The following STRA8 variants were observed in gnomAD, a reference collection of about 807,000 sequenced individuals.
STRA8 encodes stimulated by retinoic acid 8, also known as stimulated by retinoic acid gene 8 protein homolog.
STRA8 carries 18 observed loss-of-function variants against 37.1 expected under a neutral mutation model. The observed-to-expected ratio is 0.48, with a 90% confidence interval of 0.34 to 0.72. The LOEUF (loss-of-function observed/expected upper bound fraction) is 0.72. Ranked by LOEUF, STRA8 falls within the 30% of genes least tolerant of loss-of-function variation. STRA8 has a pLI of 0.01. For missense variants in STRA8, 357 were observed against 410.4 expected (o/e 0.87, Z 1.13); for synonymous variants, 168 against 162.9 (o/e 1.03, Z -0.24).
In STRA8 at chr7:135,246,707, G is replaced by A; in HGVS notation, c.879+5G>A. 6.6e-7 allele frequency: 1 copy of A among 1,515,906 alleles called. No individual in the cohort carries two copies. Among genetic ancestry groups the A allele is most frequent in the Non-Finnish European group, 8.8e-7 (1 of 1,140,044 alleles). The allele number at this position is 1,515,906 out of a possible 1,614,324, so 93.9% of individuals were successfully genotyped here. A position where few individuals can be genotyped will look rare whatever the true frequency, so the allele number is the denominator to read the frequency against. On this transcript the variant is annotated splice_donor_5th_base_variant and intron_variant, in intron 6 of 8. Transcript: ENST00000662584. This position sits in a 1 kb window ranked among gnomAD's most constrained non-coding sequence, Gnocchi z 5.4. ...CTGGTCTCCACGCCCGAGGAGGTGA[G>A]CAGGCCCACCGGGGTGGCGTGGATG... is the stretch of plus-strand genomic sequence containing the variant.
chr7:135,240,823 T>G, intron 2 of STRA8, 107 bp downstream of exon 2: 1 of 1,252,766 alleles, frequency 8.0e-7, no homozygotes, highest in Non-Finnish European at 1.1e-6. Flanking sequence ...AGCTGCCACT[T>G]CTGCTGGGGT....
chr7:135,242,227 G>A (rs1353783104), intron 2 of STRA8, among the ~76,000 whole-genome samples: 1 of 127,370 alleles, frequency 7.9e-6, no homozygotes, highest in Non-Finnish European at 1.7e-5. Context: ...AGAAGGGAGG[G>A]GAGGGAGGGA....
At chr7:135,258,373 G>T in intron 8 of STRA8, 45 bp from the exon 9 acceptor site, 1 of 1,530,928 alleles carries the variant, frequency 6.5e-7, no homozygotes, top group South Asian at 1.2e-5. Flanking sequence ...TCGGGCCCAA[G>T]ACCCACAGAT....
intron 1 of STRA8, 21 bp from the exon 2 acceptor site, chr7:135,240,498 A>AG (rs1269147403): frequency 6.3e-7 from 1 of 1,598,590 alleles, no homozygotes. Flanking sequence ...GCAAAAAAAA[A>AG]AGCATACTAT....
intron 1 of STRA8, among the ~76,000 whole-genome samples, chr7:135,240,262 G>T (rs1016413728): frequency 6.6e-6 from 1 of 152,154 alleles, no homozygotes; most frequent in Non-Finnish European, 1.5e-5. Flanking sequence ...AACAGAATTT[G>T]TGTTGACCCT....
At position 135,255,137 on chromosome 7, in the gene STRA8, C is replaced by G. The variant is rs1192575700; in HGVS notation, c.977C>G (p.Pro326Arg). Residue 326 changes from proline to arginine, a missense_variant, in exon 8 of 9, where the codon CCA becomes CGA. By Grantham distance (103) the Pro-to-Arg change is moderately radical. Transcript: ENST00000662584. The part of the protein sequence containing the change: ...SSSSVLASCN[P>R]ENPEEKFQLY... ...AGTTCAGTGCTTGCCAGCTGCAACC[C>G]AGAAAACCCAGAGGAGAAGTTTCAG... is the stretch of plus-strand genomic sequence containing the variant. The G allele has an allele frequency of 1.2e-6, 2 of 1,613,942 alleles. No homozygotes were observed. The highest frequency in any genetic ancestry group is 8.5e-7 in the Non-Finnish European group (1 of 1,179,902).
At chr7:135,248,682 G>A (rs1338459898) in intron 6 of STRA8, among the ~76,000 whole-genome samples, 1 of 152,200 alleles carries the variant, frequency 6.6e-6, no homozygotes, top group Admixed American at 6.5e-5. Context: ...CTGCACTCCA[G>A]CCTGGCAACA....
intron 8 of STRA8, among the ~76,000 whole-genome samples, chr7:135,257,287 G>C (rs945536582): frequency 1.3e-5 from 2 of 151,976 alleles, no homozygotes; most frequent in Admixed American, 1.3e-4. Flanking sequence ...AAGTTACAGG[G>C]GTCATTTTCT....
At position 135,246,513 on chromosome 7, in the gene STRA8, C is replaced by A; in HGVS notation, c.690C>A (p.Ile230=). ...CGCTGCCCATCGTCTCCGCGGCCAT[C>A]TCCCACCTGTGGCAGAACCTCTCGG... ...EAALPIVSAA[I]SHLWQNLSEE... is the part of the protein sequence containing the mutation. The change falls in exon 6 of 9, where the codon ATC becomes ATA. Residue 230 remains isoleucine, a synonymous_variant. Transcript: ENST00000662584. This position sits in a 1 kb window ranked among gnomAD's most constrained non-coding sequence, Gnocchi z 5.4. The A allele has an allele frequency of 6.3e-7, 1 of 1,576,606 alleles. No homozygotes were observed. Among genetic ancestry groups the A allele is most frequent in the Non-Finnish European group, 8.6e-7 (1 of 1,160,974 alleles).
At position 135,243,312 on chromosome 7, in the gene STRA8, C is replaced by A; in HGVS notation, c.269-14C>A. 6.2e-7 allele frequency: 1 copy of A among 1,613,872 alleles called. No individual in the cohort carries two copies. Among genetic ancestry groups the A allele is most frequent in the South Asian group, 1.1e-5 (1 of 91,028 alleles). ...CTTTTCTCTTTGTGTTCCTGGTCTT[C>A]AACTCCCCAATAGCATCCTTCAACC... is the stretch of plus-strand genomic sequence containing the variant. On this transcript the variant is annotated splice_polypyrimidine_tract_variant and intron_variant, in intron 3 of 8. Coordinates refer to ENST00000662584, the MANE Select transcript of STRA8 (RefSeq NM_001394401.1).
chr7:135,254,295 C>T (rs6943567), intron 7 of STRA8, among the ~76,000 whole-genome samples: 63,846 of 151,990 alleles, frequency 0.42, 15,530 homozygotes, highest in African/African-American at 0.69. Context: ...TGTTCCACTT[C>T]CCCTAGAAAA....
upstream of STRA8, among the ~76,000 whole-genome samples, chr7:135,232,201 C>T (rs111247439): frequency 2.9e-3 from 434 of 151,796 alleles, 3 homozygotes; most frequent in African/African-American, 0.01. Flanking sequence ...CATCTTGGTG[C>T]GAGGATAAGG....
At chr7:135,240,133 A>G (rs1832438490) in intron 1 of STRA8, among the ~76,000 whole-genome samples, 1 of 152,122 alleles carries the variant, frequency 6.6e-6, no homozygotes, top group South Asian at 2.1e-4. Context: ...AACCCCTGAA[A>G]TTAACAAGTG....
chr7:135,254,179 C>T (rs1367426627), intron 7 of STRA8, among the ~76,000 whole-genome samples: 1 of 152,180 alleles, frequency 6.6e-6, no homozygotes, highest in Non-Finnish European at 1.5e-5. Flanking sequence ...CTGTGCTGAG[C>T]TTGGACTGCA....
In STRA8 at chr7:135,245,472, A is replaced by G; in HGVS notation, c.538A>G (p.Lys180Glu). The G allele has an allele frequency of 1.4e-6, 1 of 701,996 alleles. No individual in the cohort carries two copies. Among genetic ancestry groups the G allele is most frequent in the Admixed American group, 2.1e-5 (1 of 48,718 alleles). 43.5% of individuals were successfully genotyped at this position (701,996 alleles called of 1,614,324 possible). A position where few individuals can be genotyped will look rare whatever the true frequency, so the allele number is the denominator to read the frequency against. Residue 180 changes from lysine (K) to glutamate (E), a missense_variant, in exon 5 of 9, where the codon AAA becomes GAA. Lys to Glu is a moderately conservative substitution (Grantham distance 56). Transcript: ENST00000662584. ...AGAGGAGGAGGAGGAAGAGGAGAAA[A>G]AAGTGATCTTATACTCCCCAGGAAC... is the stretch of plus-strand genomic sequence containing the variant. ...EEEEEEEEEK[K>E]VILYSPGTLS...
intron 1 of STRA8, among the ~76,000 whole-genome samples, chr7:135,238,755 G>A: frequency 6.6e-6 from 1 of 152,164 alleles, no homozygotes; most frequent in East Asian, 1.9e-4. Flanking sequence ...CATTTTCCCT[G>A]GGCAGTTCAA....
At chr7:135,255,295 C>A in intron 8 of STRA8, 70 bp downstream of exon 8, 1 of 1,161,644 alleles carries the variant, frequency 8.6e-7, no homozygotes, top group Non-Finnish European at 1.3e-6. Context: ...CTCTTAAGGG[C>A]AGCCCTAACC....
chr7:135,248,712 C>G (rs1202629024), intron 6 of STRA8, among the ~76,000 whole-genome samples: 1 of 152,042 alleles, frequency 6.6e-6, no homozygotes, highest in Non-Finnish European at 1.5e-5. Context: ...TCTATCTATC[C>G]CAGACACACT....
chr7:135,251,957 T>C (rs1190322138), intron 7 of STRA8, 88 bp downstream of exon 7: 7 of 1,226,824 alleles, frequency 5.7e-6, no homozygotes, highest in Non-Finnish European at 8.4e-6. Context: ...TGAGTTTGCA[T>C]GTGCATGAAT....
Sources: gnomAD v4.1 joint callset for allele counts (sites outside exome capture counted in the v4.1 genomes callset) on GRCh38, gnomAD v4.1.1 for gene constraint, Gnocchi (gnomAD v3.1) non-coding constraint, MANE v1.5 for transcripts, NCBI Gene and HGNC (gene_info 2026-07-23, HGNC 2026-07-21) for gene names.